ZBTB20: variants seen among roughly 807,000 people sequenced by gnomAD.
ZBTB20 encodes the protein zinc finger and BTB domain-containing protein 20.
ZBTB20 carries 9 observed loss-of-function variants against 56.9 expected under a neutral mutation model. The observed-to-expected ratio is 0.16, with a 90% CI of 0.10 to 0.28. The LOEUF (loss-of-function observed/expected upper bound fraction) is 0.28, where lower values mean the gene tolerates loss of function less well. Ranked by LOEUF, ZBTB20 falls within the 10% of genes least tolerant of loss-of-function variation. ZBTB20 has a pLI of 1.00. For missense variants in ZBTB20, 655 were observed against 1,003.0 expected (o/e 0.65, Z 4.69); for synonymous variants, 417 against 420.7 (o/e 0.99, Z 0.11).
At chr3:115,110,494 T>C (rs1034153158) in intron 1 of ZBTB20, among the ~76,000 whole-genome samples, 5 of 152,260 alleles carry the variant, frequency 3.3e-5, no homozygotes, top group African/African-American at 1.2e-4. Flanking sequence ...CTTCTTCATT[T>C]GTATTAAATA....
intron 4 of ZBTB20, among the ~76,000 whole-genome samples, chr3:114,864,403 T>TG (rs986170498): frequency 6.6e-6 from 1 of 152,074 alleles, no homozygotes; most frequent in African/African-American, 2.4e-5. Context: ...TTAAAAAAAA[T>TG]GGTTTCCAGA....
intron 4 of ZBTB20, among the ~76,000 whole-genome samples, chr3:114,806,438 G>A (rs186477772): frequency 3.3e-5 from 5 of 151,958 alleles, no homozygotes; most frequent in South Asian, 2.1e-4. Flanking sequence ...TTTTAGCTGG[G>A]TTGCTTGTCT....
At chr3:114,964,007 T>G (rs2107991281) in intron 3 of ZBTB20, among the ~76,000 whole-genome samples, 1 of 152,334 alleles carries the variant, frequency 6.6e-6, no homozygotes, top group African/African-American at 2.4e-5. Context: ...CATAGTCTAA[T>G]CAATTTAGTA....
chr3:115,093,324 C>T (rs1027044465), intron 1 of ZBTB20, among the ~76,000 whole-genome samples: 4 of 152,132 alleles, frequency 2.6e-5, no homozygotes, highest in Non-Finnish European at 4.4e-5. Context: ...ACCACATCTT[C>T]ATATCCATAG....
chr3:115,048,086 G>A (rs1266314800), intron 2 of ZBTB20, among the ~76,000 whole-genome samples: 1 of 152,020 alleles, frequency 6.6e-6, no homozygotes, highest in Non-Finnish European at 1.5e-5. Flanking sequence ...TTGGCCGGGC[G>A]TGGTGGCGGG....
intron 5 of ZBTB20, among the ~76,000 whole-genome samples, chr3:114,721,955 C>G (rs1220192951): frequency 1.3e-5 from 2 of 152,192 alleles, no homozygotes; most frequent in Non-Finnish European, 2.9e-5. Flanking sequence ...ATAAAAGCCA[C>G]AGAAGCAACT....
rs1367619285 is a variant in ZBTB20 at position 114,575,981 on chromosome 3, G to A, written c.-294-75590C>T. 2.0e-5 allele frequency among the ~76,000 whole-genome samples: 3 copies of A among 152,120 alleles called. No individual in the cohort carries two copies. The South Asian group carries it at 6.2e-4, about 32-fold the overall frequency. ...GATTCAACTGTTTATAAAATACAAG[G>A]TTTAAACAAAATGGTAGTTCATCAG... On this transcript the variant is annotated intron_variant, in intron 6 of 11. Transcript: ENST00000675478.
intron 1 of ZBTB20, among the ~76,000 whole-genome samples, chr3:115,110,217 A>G (rs977526572): frequency 5.3e-5 from 8 of 152,178 alleles, no homozygotes; most frequent in African/African-American, 1.9e-4. Flanking sequence ...TAGAAAAAAA[A>G]AAAAAAAGAG....
intron 6 of ZBTB20, among the ~76,000 whole-genome samples, chr3:114,624,358 CAA>C (rs368690191): frequency 3.3e-5 from 4 of 123,060 alleles, no homozygotes; most frequent in Non-Finnish European, 3.5e-5. Context: ...GTAAGAGAAA[CAA>C]AAAAAAAAAA....
intron 1 of ZBTB20, among the ~76,000 whole-genome samples, chr3:115,090,484 C>T (rs1417810934): frequency 1.3e-5 from 2 of 151,340 alleles, no homozygotes; most frequent in African/African-American, 4.9e-5. Context: ...TAAGTATTAT[C>T]ATTATTATTA....
chr3:114,684,808 G>A (rs1424150768), intron 6 of ZBTB20, among the ~76,000 whole-genome samples: 2 of 152,070 alleles, frequency 1.3e-5, no homozygotes, highest in East Asian at 3.8e-4. Flanking sequence ...CAAATGGGGA[G>A]GTGGTAGGGT....
At chr3:114,766,440 G>C (rs1020423817) in intron 5 of ZBTB20, among the ~76,000 whole-genome samples, 2 of 151,764 alleles carry the variant, frequency 1.3e-5, no homozygotes, top group Non-Finnish European at 2.9e-5. Flanking sequence ...GCATGAATAA[G>C]AGACTGTACC....
chr3:114,735,380 A>G (rs774082211), intron 5 of ZBTB20, among the ~76,000 whole-genome samples: 3 of 152,148 alleles, frequency 2.0e-5, no homozygotes, highest in Non-Finnish European at 4.4e-5. Flanking sequence ...TGAATCTCAT[A>G]TGGCTCCAGG....
chr3:114,316,500 TATA>T lies in ZBTB20; in HGVS notation c.*22502_*22504del, dbSNP rs751041530. 3.8e-6 allele frequency: 2 copies of T among 524,364 alleles called. No individual in the cohort carries two copies. The allele number at this position is 524,364 out of a possible 1,614,324, so 32.5% of individuals were successfully genotyped here. A position where few individuals can be genotyped will look rare whatever the true frequency, so the allele number is the denominator to read the frequency against. Reference sequence around the variant, plus strand: ...CATATACACACCTATACATGTATAATATATACACTATATATATGTGGATACATA... The same window carrying T: ...CATATACACACCTATACATGTATAATTACACTATATATATGTGGATACATA... On this transcript the variant is annotated 3_prime_UTR_variant, in exon 12 of 12. Coordinates refer to ENST00000675478, the MANE Select transcript of ZBTB20 (RefSeq NM_001348800.3).
chr3:114,547,884 T>C (rs1431450802), intron 6 of ZBTB20, among the ~76,000 whole-genome samples: 1 of 152,228 alleles, frequency 6.6e-6, no homozygotes, highest in African/African-American at 2.4e-5. Flanking sequence ...CATTTTTATA[T>C]TAATTTTCTA....
intron 5 of ZBTB20, among the ~76,000 whole-genome samples, chr3:114,781,608 A>G (rs1578841153): frequency 1.3e-5 from 2 of 152,260 alleles, no homozygotes; most frequent in Admixed American, 1.3e-4. Context: ...AAAATGCTAC[A>G]CCCATTTGTG....
At chr3:114,844,479 C>A (rs1351932428) in intron 4 of ZBTB20, among the ~76,000 whole-genome samples, 9 of 114,398 alleles carry the variant, frequency 7.9e-5, no homozygotes, top group African/African-American at 3.2e-4. Flanking sequence ...TATGATCATG[C>A]CACTGCACTC....
intron 2 of ZBTB20, among the ~76,000 whole-genome samples, chr3:115,068,685 C>A (rs114475464): frequency 0.01 from 1,586 of 151,976 alleles, 17 homozygotes; most frequent in African/African-American, 0.031. Flanking sequence ...CATTATAGGC[C>A]CCGAAAGTGA....
chr3:114,573,189 G>C (rs1257771927), intron 6 of ZBTB20, among the ~76,000 whole-genome samples: 1 of 152,190 alleles, frequency 6.6e-6, no homozygotes, highest in Admixed American at 6.5e-5. Context: ...GCCAGGCATA[G>C]TGGCTCACGC....
Sources: gnomAD v4.1 joint callset for allele counts (sites outside exome capture counted in the v4.1 genomes callset) on GRCh38, gnomAD v4.1.1 for gene constraint, MANE v1.5 for transcripts, NCBI Gene and HGNC (gene_info 2026-07-23, HGNC 2026-07-21) for gene names.